DCC: variants seen among roughly 807,000 people sequenced by gnomAD.
DCC encodes the protein DCC netrin 1 receptor.
Under a neutral mutation model 172.5 loss-of-function variants are expected in DCC, and 58 were observed. The ratio of observed to expected loss-of-function variants is 0.34; its 90% CI spans 0.27 to 0.42. DCC has a LOEUF of 0.42. Ranked by LOEUF, DCC falls within the 10% of genes least tolerant of loss-of-function variation. The pLI, the probability that DCC is intolerant of heterozygous loss-of-function variation, is 1.00. For synonymous variants in DCC, 709 were observed against 644.5 expected (o/e 1.10, Z -1.52); for missense variants, 1,740 against 1,791.0 (o/e 0.97, Z 0.51).
At chr18:52,867,835 C>A (rs2145374752) in intron 2 of DCC, among the ~76,000 whole-genome samples, 1 of 152,172 alleles carries the variant, frequency 6.6e-6, no homozygotes, top group Admixed American at 6.5e-5. Flanking sequence ...GTGAATCCTG[C>A]AGGAGATTCT....
chr18:53,528,206 C>CTT (rs2046480905), intron 28 of DCC, among the ~76,000 whole-genome samples: 1 of 151,920 alleles, frequency 6.6e-6, no homozygotes, highest in African/African-American at 2.4e-5. Flanking sequence ...ATACATTTTT[C>CTT]TTGACTTAAT....
chr18:52,701,848 T>C (rs2036128685), intron 1 of DCC, among the ~76,000 whole-genome samples: 2 of 152,222 alleles, frequency 1.3e-5, no homozygotes, highest in African/African-American at 4.8e-5. Flanking sequence ...ATCCACCATG[T>C]TGGCTTCTGA....
At chr18:53,517,779 G>T (rs1285482558) in intron 27 of DCC, among the ~76,000 whole-genome samples, 1 of 152,106 alleles carries the variant, frequency 6.6e-6, no homozygotes, top group Non-Finnish European at 1.5e-5. Context: ...CTCCCCAGAA[G>T]TGGCATTTAG....
chr18:53,380,306 T>G (rs34589926), intron 15 of DCC, among the ~76,000 whole-genome samples: 69,615 of 151,898 alleles, frequency 0.46, 16,894 homozygotes, highest in Non-Finnish European at 0.54. Flanking sequence ...TACATACTGG[T>G]AGAAAACCCT....
At chr18:53,466,182 A>G (rs889967921) in intron 24 of DCC, among the ~76,000 whole-genome samples, 6 of 152,148 alleles carry the variant, frequency 3.9e-5, no homozygotes, top group African/African-American at 1.4e-4. Flanking sequence ...GGCCTCCATA[A>G]CAGGTGCAAT....
chr18:53,400,235 T>C (rs72931381), intron 18 of DCC, among the ~76,000 whole-genome samples: 16,992 of 152,044 alleles, frequency 0.11, 1,017 homozygotes, highest in East Asian at 0.21. Context: ...TATGGCTTAG[T>C]TGAATTATCA....
At chr18:53,336,661 GA>G (rs2057594857) in intron 14 of DCC, among the ~76,000 whole-genome samples, 1 of 152,140 alleles carries the variant, frequency 6.6e-6, no homozygotes, top group East Asian at 1.9e-4. Context: ...AGACCAGCCT[GA>G]ACAACATAGC....
intron 16 of DCC, among the ~76,000 whole-genome samples, chr18:53,389,522 T>C (rs1908406913): frequency 6.6e-6 from 1 of 152,218 alleles, no homozygotes; most frequent in South Asian, 2.1e-4. Flanking sequence ...TTTTTTGTTA[T>C]TCTAATTTAT....
At chr18:52,715,859 A>C (rs2036371723) in intron 1 of DCC, among the ~76,000 whole-genome samples, 1 of 152,024 alleles carries the variant, frequency 6.6e-6, no homozygotes, top group South Asian at 2.1e-4. Context: ...TAGTTCATAC[A>C]TGCAGGAGAA....
intron 1 of DCC, among the ~76,000 whole-genome samples, chr18:52,567,006 T>C (rs906906969): frequency 2.0e-5 from 3 of 152,172 alleles, no homozygotes; most frequent in Non-Finnish European, 4.4e-5. Flanking sequence ...ATAGTGAAGT[T>C]AGGTTAAGAA....
intron 15 of DCC, among the ~76,000 whole-genome samples, chr18:53,368,772 GT>G (rs1245021490): frequency 6.6e-6 from 1 of 151,894 alleles, no homozygotes; most frequent in African/African-American, 2.4e-5. Flanking sequence ...TTATTTCTGG[GT>G]TCCCTATTCT....
chr18:53,344,549 C>A (rs1288675158), intron 15 of DCC, among the ~76,000 whole-genome samples: 1 of 142,152 alleles, frequency 7.0e-6, no homozygotes, highest in Non-Finnish European at 1.5e-5. Flanking sequence ...TTCAAGCAAT[C>A]TCCTGCCTCA....
intron 18 of DCC, among the ~76,000 whole-genome samples, 181 bp from the exon 19 acceptor site, chr18:53,402,605 A>T (rs948099137): frequency 3.6e-4 from 55 of 152,124 alleles, no homozygotes; most frequent in Non-Finnish European, 5.9e-5. Context: ...TTTCCATAAA[A>T]ATTATTAATT....
intron 22 of DCC, among the ~76,000 whole-genome samples, chr18:53,440,508 T>G (rs1019971428): frequency 2.0e-5 from 3 of 152,080 alleles, no homozygotes; most frequent in Non-Finnish European, 4.4e-5. Context: ...TGTTTTTTTT[T>G]TTTTAGAATT....
rs544674871 is a variant in DCC, at chr18:53,184,346, C to T, written c.1573+5230C>T. Among the ~76,000 whole-genome samples, 3 of 152,124 alleles carry T rather than the reference C, an allele frequency of 2.0e-5. No homozygotes were observed. In the East Asian group the frequency reaches 5.8e-4, roughly 29 times the overall value. On this transcript the variant is annotated intron_variant, in intron 9 of 28. Transcript: ENST00000442544. ...ATTTTATAAATAAAGCCATGTGTCA[C>T]TTAAGGAAGGAAATACATTCCAAGA...
chr18:52,754,491 C>T (rs992836372), intron 2 of DCC, among the ~76,000 whole-genome samples: 5 of 152,180 alleles, frequency 3.3e-5, no homozygotes, highest in African/African-American at 4.8e-5. Context: ...CACCCCTGCT[C>T]CTTTCACCAT....
intron 27 of DCC, among the ~76,000 whole-genome samples, chr18:53,517,973 CAA>C (rs1189361284): frequency 6.6e-6 from 1 of 152,094 alleles, no homozygotes; most frequent in Non-Finnish European, 1.5e-5. Context: ...GAGTATTACA[CAA>C]AGTTTCCCAT....
At chr18:52,522,252 A>C (rs2031842502) in intron 1 of DCC, among the ~76,000 whole-genome samples, 1 of 152,204 alleles carries the variant, frequency 6.6e-6, no homozygotes, top group Non-Finnish European at 1.5e-5. Flanking sequence ...TATTTGGTTC[A>C]AGATAAAATC....
intron 12 of DCC, among the ~76,000 whole-genome samples, chr18:53,247,014 G>A (rs1373641538): frequency 6.6e-6 from 1 of 151,998 alleles, no homozygotes; most frequent in Non-Finnish European, 1.5e-5. Context: ...GGAAACATTG[G>A]AGATCTAGTC....
Sources: gnomAD v4.1 joint callset for allele counts (sites outside exome capture counted in the v4.1 genomes callset) on GRCh38, gnomAD v4.1.1 for gene constraint, MANE v1.5 for transcripts, NCBI Gene and HGNC (gene_info 2026-07-23, HGNC 2026-07-21) for gene names.